STX18: variants seen among roughly 807,000 people sequenced by gnomAD.
STX18 encodes the protein syntaxin-18.
In STX18, 40 loss-of-function variants were observed where a neutral mutation model predicts 50.1. The ratio of observed to expected loss-of-function variants is 0.80; its 90% CI spans 0.62 to 1.04. The LOEUF (loss-of-function observed/expected upper bound fraction) is 1.04. Among genes scored for constraint, STX18 ranks in the 50% least tolerant of loss-of-function variants. The pLI is 0.00. For missense variants in STX18, 410 were observed against 415.8 expected (o/e 0.99, Z 0.12); for synonymous variants, 158 against 151.8 (o/e 1.04, Z -0.30).
At chr4:4,486,298 C>G (rs1728695848) in intron 1 of STX18, among the ~76,000 whole-genome samples, 1 of 152,166 alleles carries the variant, frequency 6.6e-6, no homozygotes, top group African/African-American at 2.4e-5. Context: ...GGTTATCAGA[C>G]TTAGGGCATT....
intron 1 of STX18, among the ~76,000 whole-genome samples, chr4:4,535,178 G>C (rs1050225743): frequency 1.3e-5 from 2 of 152,136 alleles, no homozygotes; most frequent in African/African-American, 4.8e-5. Flanking sequence ...AGAGATTTAG[G>C]TATCCTTTAT....
intron 1 of STX18, among the ~76,000 whole-genome samples, chr4:4,472,559 T>C (rs1166217270): frequency 3.9e-5 from 6 of 152,234 alleles, no homozygotes; most frequent in South Asian, 4.1e-4. Context: ...CATGGAAGTT[T>C]TTCTGTCAAG....
At position 4,457,238 on chromosome 4, in the gene STX18, T is replaced by C. The variant is rs762502032; in HGVS notation, c.450A>G (p.Ser150=). 3.1e-6 allele frequency: 5 copies of C among 1,614,188 alleles called. No homozygotes were observed. In the Admixed American group the frequency reaches 5.0e-5, roughly 16 times the overall value. ...DYLKRVCKLY[S]EQRAIRVKRV... ...TTTTAACTCGGATGGCTCTCTGTTCTGAGTAAAGTTTACATACTCCTGTTG... is the reference window on the plus strand; with the variant it reads ...TTTTAACTCGGATGGCTCTCTGTTCCGAGTAAAGTTTACATACTCCTGTTG... Residue 150 remains serine (S), a synonymous_variant, in exon 5 of 11, where the codon TCA becomes TCG. Coordinates refer to ENST00000306200, the MANE Select transcript of STX18 (RefSeq NM_016930.4).
At chr4:4,471,584 T>G in intron 2 of STX18, 55 bp downstream of exon 2, 1 of 1,194,790 alleles carries the variant, frequency 8.4e-7, no homozygotes, top group Non-Finnish European at 1.2e-6. Context: ...AAAAGAAATA[T>G]AGGTGTAGAA....
intron 1 of STX18, among the ~76,000 whole-genome samples, chr4:4,504,437 C>T (rs1015641961): frequency 3.9e-5 from 6 of 152,158 alleles, no homozygotes; most frequent in Non-Finnish European, 8.8e-5. Flanking sequence ...CTTTATTAGG[C>T]ACTCAGGATA....
In STX18 at chr4:4,420,272, A is replaced by G; in HGVS notation, c.913-143T>C. 1.6e-6 allele frequency: 1 copy of G among 635,776 alleles called. No homozygotes were observed. The highest frequency in any genetic ancestry group is 1.9e-5 in the South Asian group (1 of 51,524). The allele number at this position is 635,776 out of a possible 1,614,324, so 39.4% of individuals were successfully genotyped here. On this transcript the variant is annotated intron_variant, in intron 10 of 10. Coordinates refer to ENST00000306200, the MANE Select transcript of STX18 (RefSeq NM_016930.4). This position sits in a 1 kb window ranked among gnomAD's most constrained non-coding sequence, Gnocchi z 4.3. ...TTCCATCTGTGCTTACCTTGAATAG[A>G]TGGCTTTTGAGATCCACCAGAAGAC...
chr4:4,512,635 T>C (rs920341818), intron 1 of STX18, among the ~76,000 whole-genome samples: 2 of 152,282 alleles, frequency 1.3e-5, no homozygotes, highest in African/African-American at 4.8e-5. Context: ...CTGAACTAGA[T>C]TTGCTTTTCT....
At chr4:4,494,623 C>A (rs549393733) in intron 1 of STX18, among the ~76,000 whole-genome samples, 2 of 152,160 alleles carry the variant, frequency 1.3e-5, no homozygotes, top group Non-Finnish European at 2.9e-5. Flanking sequence ...TATTAACTAT[C>A]CTTGTTCTTC....
chr4:4,514,372 T>A (rs947080517), intron 1 of STX18, among the ~76,000 whole-genome samples: 2 of 152,360 alleles, frequency 1.3e-5, no homozygotes, highest in African/African-American at 4.8e-5. Flanking sequence ...ATTCTCTCAC[T>A]GGTCTCATTA....
chr4:4,511,969 A>G (rs1280538609), intron 1 of STX18, among the ~76,000 whole-genome samples: 1 of 152,076 alleles, frequency 6.6e-6, no homozygotes, highest in African/African-American at 2.4e-5. Context: ...AGAGCTGTAC[A>G]TTGTAGAATG....
At chr4:4,439,407 A>G (rs990567627) in intron 5 of STX18, among the ~76,000 whole-genome samples, 1 of 120,350 alleles carries the variant, frequency 8.3e-6, no homozygotes, top group African/African-American at 3.2e-5. Flanking sequence ...CACACCATAT[A>G]TGTGCAGATA....
At chr4:4,451,607 T>C (rs1173820984) in intron 5 of STX18, among the ~76,000 whole-genome samples, 1 of 152,228 alleles carries the variant, frequency 6.6e-6, no homozygotes, top group Non-Finnish European at 1.5e-5. Flanking sequence ...TTCATTATTA[T>C]TATATTTCTG....
In STX18 at chr4:4,492,563, T is replaced by G. The variant is rs555884938; in HGVS notation, c.169-20857A>C. Among the ~76,000 whole-genome samples the G allele has an allele frequency of 3.9e-5, 6 of 152,260 alleles. No individual in the cohort carries two copies. The South Asian group carries it at 1.2e-3, about 32-fold the overall frequency. The stretch of plus-strand genomic sequence containing the variant: ...AATCACTCATGGGGAGGTCACTTTG[T>G]TTTTATTAGGAAACTGAAAATATTT... On this transcript the variant is annotated intron_variant, in intron 1 of 10. Transcript: ENST00000306200.
At chr4:4,470,906 A>G (rs994710336) in intron 2 of STX18, among the ~76,000 whole-genome samples, 7 of 152,346 alleles carry the variant, frequency 4.6e-5, no homozygotes, top group African/African-American at 1.7e-4. Context: ...TGCAGTATTC[A>G]TGGTGGGCTT....
intron 2 of STX18, among the ~76,000 whole-genome samples, chr4:4,463,095 G>C (rs1349297078): frequency 1.3e-5 from 2 of 152,200 alleles, no homozygotes; most frequent in African/African-American, 4.8e-5. Flanking sequence ...GAATCATACT[G>C]TCTGCTTTGA....
At chr4:4,494,226 T>A (rs143555741) in intron 1 of STX18, among the ~76,000 whole-genome samples, 230 of 152,344 alleles carry the variant, frequency 1.5e-3, no homozygotes, top group African/African-American at 5.1e-3. Flanking sequence ...GTACACTACA[T>A]ATTGTACAGT....
intron 5 of STX18, among the ~76,000 whole-genome samples, chr4:4,455,323 T>C (rs948641861): frequency 2.0e-5 from 3 of 152,230 alleles, no homozygotes; most frequent in Non-Finnish European, 4.4e-5. Context: ...ACCCTCTCAG[T>C]GCATTATATA....
intron 1 of STX18, among the ~76,000 whole-genome samples, chr4:4,511,178 C>T (rs1729987437): frequency 6.6e-6 from 1 of 151,974 alleles, no homozygotes; most frequent in Non-Finnish European, 1.5e-5. Flanking sequence ...AAATTTAAAA[C>T]ATTTAAAAAA....
chr4:4,542,143 G>A (rs1464780927), upstream of STX18: 26 of 761,828 alleles, frequency 3.4e-5, no homozygotes, highest in Non-Finnish European at 5.0e-5. Context: ...AAAAGGTTCC[G>A]GCCTCAGCCG....
Sources: gnomAD v4.1 joint callset for allele counts (sites outside exome capture counted in the v4.1 genomes callset) on GRCh38, gnomAD v4.1.1 for gene constraint, Gnocchi (gnomAD v3.1) non-coding constraint, MANE v1.5 for transcripts, NCBI Gene and HGNC (gene_info 2026-07-23, HGNC 2026-07-21) for gene names.